Variants in MED13L observed in about 807,000 individuals in gnomAD.
The protein encoded by MED13L is mediator complex subunit 13L, also known as mediator of RNA polymerase II transcription subunit 13-like.
A neutral mutation model predicts 220.9 loss-of-function variants in MED13L; 7 were observed. The observed-to-expected ratio is 0.03, with a 90% CI of 0.02 to 0.06. The LOEUF (loss-of-function observed/expected upper bound fraction) is 0.06, where lower values mean the gene tolerates loss of function less well. Ranked by LOEUF, MED13L falls within the 10% of genes least tolerant of loss-of-function variation. The pLI is 1.00. For synonymous variants in MED13L, 1,011 were observed against 1,015.2 expected (o/e 1.00, Z 0.08); for missense variants, 1,965 against 2,760.5 (o/e 0.71, Z 6.46).
chr12:116,050,706 G>C (rs564139244), intron 4 of MED13L, among the ~76,000 whole-genome samples: 1 of 152,308 alleles, frequency 6.6e-6, no homozygotes, highest in East Asian at 1.9e-4. Flanking sequence ...GGAGGCCAAG[G>C]AGGGTGGATC....
intron 7 of MED13L, among the ~76,000 whole-genome samples, chr12:116,018,330 CT>C (rs1277582197): frequency 5.3e-5 from 8 of 152,298 alleles, no homozygotes; most frequent in Non-Finnish European, 8.8e-5. Context: ...TTAATGCCCA[CT>C]AATTGCCAAG....
Position 115,962,977 on chromosome 12 carries a change from C to T in MED13L, c.6500+430G>A, listed in dbSNP as rs546657504. ...CGGAGTTTGCAGTGAGCTGAGATCACGCCTCTGCACTCCAGCCTGGGTGAC... is the reference window on the plus strand; with the variant it reads ...CGGAGTTTGCAGTGAGCTGAGATCATGCCTCTGCACTCCAGCCTGGGTGAC... On this transcript the variant is annotated intron_variant, in intron 30 of 30. Transcript: ENST00000281928. Among the ~76,000 whole-genome samples, 121 of 152,292 alleles carry T rather than the reference C, an allele frequency of 7.9e-4. No homozygotes were observed. In the South Asian group the frequency reaches 0.018, roughly 22 times the overall value.
chr12:116,044,910 G>T (rs1453706344), intron 4 of MED13L, among the ~76,000 whole-genome samples: 1 of 152,130 alleles, frequency 6.6e-6, no homozygotes, highest in African/African-American at 2.4e-5. Flanking sequence ...TCATTTTCAT[G>T]GTGGCTTGGT....
intron 2 of MED13L, among the ~76,000 whole-genome samples, chr12:116,147,661 C>T (rs557515417): frequency 6.6e-6 from 1 of 152,138 alleles, no homozygotes; most frequent in East Asian, 1.9e-4. Context: ...TCTTTCCAGG[C>T]TTTCAAAGAA....
intron 2 of MED13L, among the ~76,000 whole-genome samples, chr12:116,207,489 A>T (rs1882413266): frequency 6.6e-6 from 1 of 152,240 alleles, no homozygotes; most frequent in East Asian, 1.9e-4. Context: ...TCACCTAAAG[A>T]GGCATTTCTC....
chr12:116,154,534 C>T (rs192031815), intron 2 of MED13L, among the ~76,000 whole-genome samples: 17 of 152,206 alleles, frequency 1.1e-4, no homozygotes, highest in Non-Finnish European at 1.5e-5. Flanking sequence ...TGAGATCAAA[C>T]TCACCTTCTC....
At chr12:115,971,140 A>G (rs1876554546) in intron 26 of MED13L, among the ~76,000 whole-genome samples, 1 of 152,216 alleles carries the variant, frequency 6.6e-6, no homozygotes, top group Non-Finnish European at 1.5e-5. Flanking sequence ...ATAGGACCAT[A>G]AAATCAATAC....
intron 3 of MED13L, among the ~76,000 whole-genome samples, chr12:116,106,396 T>G (rs1192679066): frequency 6.6e-6 from 1 of 152,160 alleles, no homozygotes; most frequent in Non-Finnish European, 1.5e-5. Context: ...GCGTTATAAA[T>G]GATCCCAAAG....
chr12:116,064,118 G>A (rs1384292579), intron 4 of MED13L, among the ~76,000 whole-genome samples: 1 of 152,068 alleles, frequency 6.6e-6, no homozygotes, highest in Non-Finnish European at 1.5e-5. Context: ...TGAACCTTGA[G>A]GTTGAGTCTG....
At chr12:116,197,321 A>G (rs1456566818) in intron 2 of MED13L, among the ~76,000 whole-genome samples, 5 of 152,208 alleles carry the variant, frequency 3.3e-5, no homozygotes, top group Admixed American at 6.5e-5. Context: ...TGTACATGTC[A>G]GTAGGACTCT....
intron 16 of MED13L, among the ~76,000 whole-genome samples, chr12:115,992,933 A>G (rs1878159562): frequency 6.6e-6 from 1 of 152,152 alleles, no homozygotes; most frequent in South Asian, 2.1e-4. Context: ...TTGGCCCTCT[A>G]TAGCCACAAG....
rs559819690 is a variant in MED13L at position 116,091,191 on chromosome 12, C to G, written c.479+5478G>C. 1.1e-4 allele frequency among the ~76,000 whole-genome samples: 14 copies of G among 131,500 alleles called. 1 individual carries two copies. The South Asian group carries it at 3.4e-3, about 32-fold the overall frequency. The allele number at this position is 131,500 out of a possible 152,430, so 86.3% of individuals were successfully genotyped here. ...TTACTATAAAAAAGAATTTAAAAAA[C>G]AAGGTATCTCTTTTACTATAAGGTA... On this transcript the variant is annotated intron_variant, in intron 4 of 30. Coordinates refer to ENST00000281928, the MANE Select transcript of MED13L (RefSeq NM_015335.5).
At chr12:116,230,220 A>C (rs1430961859) in intron 2 of MED13L, among the ~76,000 whole-genome samples, 3 of 151,938 alleles carry the variant, frequency 2.0e-5, no homozygotes, top group African/African-American at 7.3e-5. Flanking sequence ...CCTGGCCAAC[A>C]TGCAGCCCTA....
intron 9 of MED13L, among the ~76,000 whole-genome samples, chr12:116,012,286 C>G (rs2137401926): frequency 6.6e-6 from 1 of 152,252 alleles, no homozygotes; most frequent in African/African-American, 2.4e-5. Context: ...AAAAAGCAAT[C>G]TGAGGACGTA....
At chr12:116,053,854 T>A (rs1332319235) in intron 4 of MED13L, among the ~76,000 whole-genome samples, 1 of 152,180 alleles carries the variant, frequency 6.6e-6, no homozygotes, top group African/African-American at 2.4e-5. Context: ...TTTACCTCTA[T>A]AAAGCTCATT....
At chr12:116,260,575 A>G (rs1872436538) in intron 1 of MED13L, among the ~76,000 whole-genome samples, 1 of 152,240 alleles carries the variant, frequency 6.6e-6, no homozygotes, top group Admixed American at 6.5e-5. Flanking sequence ...TTGTGCACTC[A>G]GAAAGCTAAG....
intron 23 of MED13L, among the ~76,000 whole-genome samples, chr12:115,979,195 C>T (rs888179335): frequency 5.9e-5 from 9 of 152,162 alleles, no homozygotes; most frequent in Non-Finnish European, 1.2e-4. Context: ...AAATCATTTA[C>T]TTCTCTCTTC....
At chr12:116,186,005 T>C (rs535766846) in intron 2 of MED13L, among the ~76,000 whole-genome samples, 1 of 152,318 alleles carries the variant, frequency 6.6e-6, no homozygotes, top group South Asian at 2.1e-4. Flanking sequence ...TCATATGCTT[T>C]TCTTTCTCTA....
chr12:116,019,343 C>T lies in MED13L; in HGVS notation c.890G>A (p.Ser297Asn). The part of the protein sequence containing the change: ...ISQNDIPVPQ[S>N]VASAGGHIAV... ...AATGTGGCCTCCAGCACTGGCAACA[C>T]TCTGAGGAACCGGGATGTCATTCTG... Residue 297 changes from serine (S) to asparagine (N), a missense_variant, in exon 7 of 31, where the codon AGT (serine) becomes AAT (asparagine). Ser to Asn is a conservative substitution (Grantham distance 46, BLOSUM62 1). Around this residue, in one of 10 missense-constraint regions of MED13L, gnomAD observed 818 missense variants for 1,041.2 expected, o/e 0.79. Transcript: ENST00000281928. 6.2e-7 allele frequency: 1 copy of T among 1,614,036 alleles called. No homozygotes were observed. Among genetic ancestry groups the T allele is most frequent in the Non-Finnish European group, 8.5e-7 (1 of 1,179,964 alleles).
Sources: gnomAD v4.1 joint callset for allele counts (sites outside exome capture counted in the v4.1 genomes callset) on GRCh38, gnomAD v4.1.1 for gene constraint, gnomAD v4.1.1 regional missense constraint, MANE v1.5 for transcripts, NCBI Gene and HGNC (gene_info 2026-07-23, HGNC 2026-07-21) for gene names.